STX2: variants seen among roughly 807,000 people sequenced by gnomAD.
STX2 encodes syntaxin-2.
STX2 carries 27 observed loss-of-function variants against 40.6 expected under a neutral mutation model. The ratio of observed to expected loss-of-function variants is 0.66; its 90% confidence interval spans 0.49 to 0.92. STX2 has a LOEUF of 0.92. STX2 is among the 40% of genes least tolerant of loss of function. The pLI, the probability that STX2 is intolerant of heterozygous loss-of-function variation, is 0.00. For missense variants in STX2, 328 were observed against 366.1 expected, an observed-to-expected ratio of 0.90 and a Z score of 0.85; for synonymous variants, 123 against 119.1, an observed-to-expected ratio of 1.03 and a Z score of -0.22.
intron 4 of STX2, among the ~76,000 whole-genome samples, chr12:130,810,035 A>G (rs1951589472): frequency 6.6e-6 from 1 of 152,166 alleles, no homozygotes; most frequent in African/African-American, 2.4e-5. Context: ...CAACAACAAC[A>G]ACAACAAAAA....
chr12:130,796,426 C>T (rs914821567), intron 9 of STX2, among the ~76,000 whole-genome samples: 1 of 152,142 alleles, frequency 6.6e-6, no homozygotes. Context: ...GCAGAGGTTG[C>T]AGAGAGCCAG....
At position 130,809,685 on chromosome 12, in the gene STX2, C is replaced by T. The variant is rs369603963; in HGVS notation, c.281-981G>A. Among the ~76,000 whole-genome samples the T allele has an allele frequency of 8.8e-3, 1,337 of 152,178 alleles. 11 individuals are homozygous for T. Among genetic ancestry groups the T allele is most frequent in the Middle Eastern group, 0.014 (4 of 292 alleles). ...TACAAAAATTAGCTGGGTGTGGTGG[C>T]GGGTGCCTGTAATCCCAGCTACTCG... On this transcript the variant is annotated intron_variant, in intron 4 of 10. Transcript: ENST00000392373.
intron 10 of STX2, among the ~76,000 whole-genome samples, chr12:130,793,498 C>T (rs373115184): frequency 1.8e-4 from 27 of 152,320 alleles, no homozygotes; most frequent in African/African-American, 6.0e-4. Flanking sequence ...CTGCCTGCCA[C>T]GTGTCTGGGT....
At chr12:130,811,835 A>C (rs4759789) in intron 4 of STX2, among the ~76,000 whole-genome samples, 85,149 of 151,962 alleles carry the variant, frequency 0.56, 26,318 homozygotes, top group East Asian at 0.87. Context: ...CCACCGTGCC[A>C]GGCCACCATT....
At chr12:130,804,013 AC>A (rs1951333679) in intron 6 of STX2, among the ~76,000 whole-genome samples, 1 of 152,178 alleles carries the variant, frequency 6.6e-6, no homozygotes, top group South Asian at 2.1e-4. Flanking sequence ...CCTAGACCCC[AC>A]CTGGGGATTA....
intron 5 of STX2, among the ~76,000 whole-genome samples, chr12:130,807,962 G>A (rs1353573397): frequency 6.6e-6 from 1 of 152,068 alleles, no homozygotes; most frequent in Non-Finnish European, 1.5e-5. Flanking sequence ...GAAATTCCTC[G>A]TAGGTCCCAG....
intron 1 of STX2, among the ~76,000 whole-genome samples, chr12:130,836,089 T>C (rs1952748509): frequency 1.3e-5 from 2 of 151,958 alleles, no homozygotes; most frequent in African/African-American, 4.8e-5. Flanking sequence ...ACAAGCACGG[T>C]TGTGAGTACA....
At chr12:130,837,609 G>A (rs766944023) in intron 1 of STX2, among the ~76,000 whole-genome samples, 2 of 151,874 alleles carry the variant, frequency 1.3e-5, no homozygotes, top group Admixed American at 1.3e-4. Flanking sequence ...AATTTTTTTC[G>A]AGAAACAGTG....
chr12:130,835,943 A>G (rs1236850912), intron 1 of STX2, among the ~76,000 whole-genome samples: 1 of 148,286 alleles, frequency 6.7e-6, no homozygotes, highest in African/African-American at 2.7e-5. Context: ...CACGTTCTTC[A>G]CAGGAACAAG....
At chr12:130,818,514 C>G (rs568014709) in intron 3 of STX2, among the ~76,000 whole-genome samples, 5 of 152,138 alleles carry the variant, frequency 3.3e-5, no homozygotes, top group African/African-American at 4.8e-5. Context: ...CAGGGATAAC[C>G]GGTGGGACAG....
chr12:130,827,299 A>T (rs750818288), intron 1 of STX2, 32 bp from the exon 2 acceptor site: 30 of 1,586,390 alleles, frequency 1.9e-5, no homozygotes, highest in African/African-American at 2.7e-5. Context: ...TCAGTTTTTT[A>T]AAATTTTTAT....
At chr12:130,829,421 G>A (rs772376371) in intron 1 of STX2, among the ~76,000 whole-genome samples, 3 of 152,144 alleles carry the variant, frequency 2.0e-5, no homozygotes, top group Non-Finnish European at 2.9e-5. Context: ...AGCAGAAAAC[G>A]GCCTGTGACT....
intron 1 of STX2, among the ~76,000 whole-genome samples, chr12:130,830,871 C>T (rs970511439): frequency 6.6e-6 from 1 of 152,200 alleles, no homozygotes; most frequent in South Asian, 2.1e-4. Flanking sequence ...CAAACATTTA[C>T]TAAAAGCCAG....
At chr12:130,792,220 C>T (rs1950898135) in intron 10 of STX2, among the ~76,000 whole-genome samples, 1 of 152,112 alleles carries the variant, frequency 6.6e-6, no homozygotes, top group Non-Finnish European at 1.5e-5. Flanking sequence ...GCCACCACGC[C>T]CAGCTAATTT....
chr12:130,794,742 T>C (rs1950978359), intron 10 of STX2, among the ~76,000 whole-genome samples: 1 of 152,110 alleles, frequency 6.6e-6, no homozygotes, highest in Admixed American at 6.5e-5. Flanking sequence ...TACAAAGCAA[T>C]AGTGAGACTT....
chr12:130,822,487 G>T (rs764910923), intron 2 of STX2, among the ~76,000 whole-genome samples: 5 of 152,032 alleles, frequency 3.3e-5, no homozygotes, highest in African/African-American at 4.8e-5. Context: ...TACAGCCAAG[G>T]CTTCATAATT....
In STX2 at chr12:130,808,909, C is replaced by A. The variant is rs762664479; in HGVS notation, c.281-205G>T. 2.5e-4 allele frequency among the ~76,000 whole-genome samples: 38 copies of A among 152,202 alleles called. 1 individual carries two copies. The highest frequency in any genetic ancestry group is 2.2e-3 in the Admixed American group (34 of 15,276). ...TGAGACAAGGTCTGGCTCTATCACC[C>A]GGGCTGCAGTGCAGGGGCACAATCT... On this transcript the variant is annotated intron_variant, in intron 4 of 10. Transcript: ENST00000392373.
At chr12:130,838,231 C>T (rs1278048416) in intron 1 of STX2, among the ~76,000 whole-genome samples, 1 of 152,216 alleles carries the variant, frequency 6.6e-6, no homozygotes, top group Non-Finnish European at 1.5e-5. Flanking sequence ...CTGGCCTAAG[C>T]CGTCCTGGGT....
intron 2 of STX2, among the ~76,000 whole-genome samples, chr12:130,825,521 C>T (rs1952268477): frequency 6.6e-6 from 1 of 152,150 alleles, no homozygotes; most frequent in Non-Finnish European, 1.5e-5. Flanking sequence ...GTCTCATTTC[C>T]AAGAAGTGAA....
Sources: gnomAD v4.1 joint callset for allele counts (sites outside exome capture counted in the v4.1 genomes callset) on GRCh38, gnomAD v4.1.1 for gene constraint, MANE v1.5 for transcripts, NCBI Gene and HGNC (gene_info 2026-07-23, HGNC 2026-07-21) for gene names.